Variants in IQCM observed in about 807,000 individuals in gnomAD.
IQCM encodes the protein IQ domain-containing protein M.
IQCM carries 45 observed loss-of-function variants against 57.6 expected under a neutral mutation model. The ratio of observed to expected loss-of-function variants is 0.78; its 90% CI spans 0.62 to 1.00. The LOEUF (loss-of-function observed/expected upper bound fraction) is 1.00. Ranked by LOEUF, IQCM falls within the 50% of genes least tolerant of loss-of-function variation. The pLI, the probability that IQCM is intolerant of heterozygous loss-of-function variation, is 0.00. For missense variants in IQCM, 468 were observed against 511.6 expected (o/e 0.91, Z 0.82); for synonymous variants, 148 against 158.9 (o/e 0.93, Z 0.51).
intron 7 of IQCM, among the ~76,000 whole-genome samples, chr4:149,623,443 T>C (rs1343205717): frequency 6.6e-6 from 1 of 152,242 alleles, no homozygotes; most frequent in Non-Finnish European, 1.5e-5. Flanking sequence ...AATATAGCTA[T>C]AACTTTTCCG....
intron 2 of IQCM, among the ~76,000 whole-genome samples, chr4:149,760,166 C>A (rs996112351): frequency 6.6e-6 from 1 of 151,594 alleles, no homozygotes; most frequent in Non-Finnish European, 1.5e-5. Flanking sequence ...AAGGAAGGCC[C>A]AAACATTCAA....
chr4:149,493,912 C>G (rs1415182238), intron 12 of IQCM, among the ~76,000 whole-genome samples: 1 of 150,764 alleles, frequency 6.6e-6, no homozygotes, highest in Non-Finnish European at 1.5e-5. Context: ...TATATTCTGC[C>G]AAGAGCTTGT....
intron 12 of IQCM, among the ~76,000 whole-genome samples, chr4:149,451,708 A>T (rs1297931281): frequency 2.0e-5 from 3 of 151,728 alleles, no homozygotes; most frequent in Non-Finnish European, 4.4e-5. Flanking sequence ...TTTCTCGTAA[A>T]TTTTCTCAGC....
At chr4:149,691,838 A>G (rs1206517471) in intron 5 of IQCM, 1 of 152,174 alleles carries the variant, frequency 6.6e-6, no homozygotes, top group Middle Eastern at 3.2e-3. Context: ...TTATTTAAGG[A>G]TAATATTATT....
intron 9 of IQCM, among the ~76,000 whole-genome samples, chr4:149,572,111 G>A (rs1751216117): frequency 6.6e-6 from 1 of 151,954 alleles, no homozygotes; most frequent in Admixed American, 6.6e-5. Context: ...ATGGGAAGGT[G>A]AAACATTAGT....
chr4:149,424,529 T>C (rs1722427872), intron 13 of IQCM, among the ~76,000 whole-genome samples: 3 of 151,772 alleles, frequency 2.0e-5, no homozygotes, highest in African/African-American at 7.2e-5. Flanking sequence ...TCTGTTATAT[T>C]AAAACAGTAC....
chr4:149,362,260 G>T (rs1326116028), intron 13 of IQCM, among the ~76,000 whole-genome samples: 1 of 152,074 alleles, frequency 6.6e-6, no homozygotes, highest in African/African-American at 2.4e-5. Flanking sequence ...TTGGACTGTG[G>T]ACTTTTGGGT....
At chr4:149,354,363 C>CAAAAAAAAAAAAAAAAAAA (rs70965178) in intron 13 of IQCM, among the ~76,000 whole-genome samples, 2 of 20,232 alleles carry the variant, frequency 9.9e-5, no homozygotes, top group East Asian at 2.3e-3. Flanking sequence ...GACTCCGTCT[C>CAAAAAAAAAAAAAAAAAAA]AAAAAAAAAA....
At position 149,495,369 on chromosome 4, in the gene IQCM, C is replaced by A. The variant is rs577428011; in HGVS notation, c.1228+53086G>T. ...AGAGCCTTACTTATTCAATCTCACA[C>A]AAACCCATGTTACTGGTGAAAGCTC... On this transcript the variant is annotated intron_variant, in intron 12 of 13. Transcript: ENST00000636793. 2.0e-5 allele frequency among the ~76,000 whole-genome samples: 3 copies of A among 152,200 alleles called. No homozygotes were observed. In the East Asian group the frequency reaches 5.8e-4, roughly 29 times the overall value.
chr4:149,512,387 TGCTAA>T (rs1724554526), intron 12 of IQCM, among the ~76,000 whole-genome samples: 1 of 152,216 alleles, frequency 6.6e-6, no homozygotes, highest in African/African-American at 2.4e-5. Context: ...TTATTTCAAA[TGCTAA>T]GCTAAGAAAT....
intron 12 of IQCM, among the ~76,000 whole-genome samples, chr4:149,520,416 G>A (rs925959999): frequency 1.3e-5 from 2 of 151,924 alleles, no homozygotes; most frequent in African/African-American, 4.8e-5. Context: ...TTACTGGCTT[G>A]TCCTTTAATT....
At chr4:149,679,613 T>G (rs1762027046) in intron 7 of IQCM, among the ~76,000 whole-genome samples, 1 of 151,426 alleles carries the variant, frequency 6.6e-6, no homozygotes, top group African/African-American at 2.4e-5. Flanking sequence ...ATGTATTAAA[T>G]AATCATGTGT....
chr4:149,612,614 T>C (rs1263961218), intron 8 of IQCM, among the ~76,000 whole-genome samples: 19 of 152,020 alleles, frequency 1.2e-4, no homozygotes, highest in Admixed American at 1.2e-3. Flanking sequence ...AAAATTGTTT[T>C]AAAAAACAAA....
Position 149,553,249 on chromosome 4 carries a change from G to A in IQCM, c.987C>T (p.Asn329=). The change falls in exon 11 of 14, where the codon AAC becomes AAT. Residue 329 remains asparagine (N), a synonymous_variant. Transcript: ENST00000636793. ...DHGPDMKAVI[N]MYGRLIHRVR... ...CACGGTGGATTAGTCTGCCATACAT[G>A]TTAATAACTGCTTTCATATCTGGTC... 1 of 1,231,880 alleles carries A rather than the reference G, an allele frequency of 8.1e-7. No individual in the cohort carries two copies. The highest frequency in any genetic ancestry group is 1.0e-6 in the Non-Finnish European group (1 of 987,776). The allele number at this position is 1,231,880 out of a possible 1,614,324, so 76.3% of individuals were successfully genotyped here. A position where few individuals can be genotyped will look rare whatever the true frequency, so the allele number is the denominator to read the frequency against.
At chr4:149,713,358 T>A (rs2149836433) in intron 5 of IQCM, among the ~76,000 whole-genome samples, 1 of 152,306 alleles carries the variant, frequency 6.6e-6, no homozygotes, top group African/African-American at 2.4e-5. Flanking sequence ...TCTTATTTTG[T>A]CATCTTGTTT....
Position 149,433,429 on chromosome 4 carries a change from T to G in IQCM, c.1357A>C (p.Ile453Leu). Residue 453 changes from isoleucine to leucine, a missense_variant, in exon 13 of 14, where the codon ATA (isoleucine) becomes CTA (leucine). Ile to Leu is a conservative substitution (Grantham distance 5, BLOSUM62 2). Coordinates refer to ENST00000636793, the MANE Select transcript of IQCM (RefSeq NM_001363507.2). ...CTATAACCTTCTTCCCCATTTACTA[T>G]GGGTCTCAACCAAGTCGACTTGAGT... ...TLLKSTWLRP[I>L]VNGEEGYRYI... The G allele has an allele frequency of 1.6e-6, 2 of 1,226,380 alleles. No individual in the cohort carries two copies. Among genetic ancestry groups the G allele is most frequent in the Non-Finnish European group, 2.0e-6 (2 of 983,058 alleles). 76.0% of individuals were successfully genotyped at this position (1,226,380 alleles called of 1,614,324 possible).
At chr4:149,647,090 T>G (rs1758707175) in intron 7 of IQCM, among the ~76,000 whole-genome samples, 1 of 152,188 alleles carries the variant, frequency 6.6e-6, no homozygotes, top group African/African-American at 2.4e-5. Flanking sequence ...TTTGCATTAC[T>G]TTTTATTATG....
intron 11 of IQCM, among the ~76,000 whole-genome samples, chr4:149,550,419 T>C (rs1417177545): frequency 6.6e-6 from 1 of 152,182 alleles, no homozygotes; most frequent in Non-Finnish European, 1.5e-5. Context: ...AAAAAGAATA[T>C]CACCTTTTAC....
intron 13 of IQCM, among the ~76,000 whole-genome samples, chr4:149,394,828 A>T (rs540410686): frequency 6.6e-5 from 10 of 152,154 alleles, no homozygotes; most frequent in African/African-American, 2.2e-4. Flanking sequence ...ATCTTGGGGA[A>T]ATATTAATTT....
Sources: allele counts gnomAD v4.1 joint callset (sites outside exome capture counted in the v4.1 genomes callset), GRCh38; gene constraint gnomAD v4.1.1; transcripts MANE v1.5; gene names NCBI Gene and HGNC (gene_info 2026-07-23, HGNC 2026-07-21).